Variants in ADD1 observed in about 807,000 individuals in gnomAD.
ADD1 encodes the protein alpha-adducin.
In ADD1, 24 loss-of-function variants were observed where a neutral mutation model predicts 80.5. The ratio of observed to expected loss-of-function variants is 0.30; its 90% CI spans 0.22 to 0.42. The LOEUF (loss-of-function observed/expected upper bound fraction) is 0.42. ADD1 is among the 10% of genes least tolerant of loss of function. The pLI is 1.00. For synonymous variants in ADD1, 373 were observed against 393.8 expected, an observed-to-expected ratio of 0.95 and a Z score of 0.63; for missense variants, 948 against 1,019.0, an observed-to-expected ratio of 0.93 and a Z score of 0.95.
intron 4 of ADD1, among the ~76,000 whole-genome samples, chr4:2,892,756 G>A (rs1171858175): frequency 1.3e-5 from 2 of 151,736 alleles, no homozygotes; most frequent in African/African-American, 4.8e-5. Flanking sequence ...GATCACTTGA[G>A]TCAGGAGGTT....
rs560354931 is a variant in ADD1, at chr4:2,856,893, C to T, written c.-21+12869C>T. ...GGTGTGAGCCACCACACCCAGCCAA[C>T]GTTCTTATTCTGTTATTTTTTATTT... On this transcript the variant is annotated intron_variant, in intron 1 of 15. Coordinates refer to ENST00000683351, the MANE Select transcript of ADD1 (RefSeq NM_001354761.2). Among the ~76,000 whole-genome samples, 152 of 150,034 alleles carry T rather than the reference C, an allele frequency of 1.0e-3. 2 individuals carry two copies. Among genetic ancestry groups the T allele is most frequent in the East Asian group, 7.9e-4 (4 of 5,062 alleles).
Position 2,926,286 on chromosome 4 carries a change from C to A in ADD1, c.2047+174C>A. 1.4e-6 allele frequency: 1 copy of A among 738,910 alleles called. No individual in the cohort carries two copies. The highest frequency in any genetic ancestry group is 2.7e-5 in the East Asian group (1 of 37,220). The allele number at this position is 738,910 out of a possible 1,614,324, so 45.8% of individuals were successfully genotyped here. On this transcript the variant is annotated intron_variant, in intron 15 of 15. Coordinates refer to ENST00000683351, the MANE Select transcript of ADD1 (RefSeq NM_001354761.2). The surrounding 1 kb of genome is among the most constrained non-coding windows in gnomAD (Gnocchi z 5.0). ...TGCTTCTGTCCTGGGTAACTCCAGGCAAAACAGATTTGTATGTGAGCTGTG... is the reference window on the plus strand; with the variant it reads ...TGCTTCTGTCCTGGGTAACTCCAGGAAAAACAGATTTGTATGTGAGCTGTG...
intron 1 of ADD1, among the ~76,000 whole-genome samples, chr4:2,848,744 T>G (rs1368347207): frequency 6.6e-6 from 1 of 152,164 alleles, no homozygotes; most frequent in African/African-American, 2.4e-5. Context: ...CTGAATATGC[T>G]AGGATAACAG....
intron 8 of ADD1, 25 bp downstream of exon 8, chr4:2,898,556 T>C: frequency 6.3e-7 from 1 of 1,592,812 alleles, no homozygotes; most frequent in South Asian, 1.1e-5. Context: ...TTCCAGTCAC[T>C]CTGCAGTTTA....
Position 2,862,281 on chromosome 4 carries a change from A to G in ADD1, c.-20-13615A>G, listed in dbSNP as rs1162346994. Among the ~76,000 whole-genome samples, 4 of 152,192 alleles carry G rather than the reference A, an allele frequency of 2.6e-5. No individual in the cohort carries two copies. The East Asian group carries it at 7.7e-4, about 29-fold the overall frequency. ...GTGAATGCGCTCAGAAGGAATTGAAACTAGCTTCACTGAATGGGTCTCAGA... is the reference window on the plus strand; with the variant it reads ...GTGAATGCGCTCAGAAGGAATTGAAGCTAGCTTCACTGAATGGGTCTCAGA... On this transcript the variant is annotated intron_variant, in intron 1 of 15. Coordinates refer to ENST00000683351, the MANE Select transcript of ADD1 (RefSeq NM_001354761.2).
intron 14 of ADD1, among the ~76,000 whole-genome samples, chr4:2,918,741 T>G (rs948577640): frequency 5.9e-5 from 9 of 152,184 alleles, no homozygotes; most frequent in Non-Finnish European, 1.2e-4. Flanking sequence ...TGAATTTTAT[T>G]GAAGGCTTTT....
intron 1 of ADD1, among the ~76,000 whole-genome samples, chr4:2,874,257 G>A (rs1422365662): frequency 1.3e-5 from 2 of 152,086 alleles, no homozygotes; most frequent in Non-Finnish European, 2.9e-5. Flanking sequence ...TCATTAGTTC[G>A]TTTATTCTAT....
chr4:2,865,912 C>A (rs1337864360), intron 1 of ADD1, among the ~76,000 whole-genome samples: 1 of 152,266 alleles, frequency 6.6e-6, no homozygotes, highest in East Asian at 1.9e-4. Context: ...GAAGATAAGT[C>A]AAATTCTGCT....
At chr4:2,879,435 A>G (rs1025078488) in intron 2 of ADD1, among the ~76,000 whole-genome samples, 27 of 152,286 alleles carry the variant, frequency 1.8e-4, no homozygotes, top group Middle Eastern at 3.4e-3. Flanking sequence ...AGCGCCTGGT[A>G]CTTAGTAGTG....
At chr4:2,899,780 C>G (rs1735872899) in intron 9 of ADD1, 1 of 369,124 alleles carries the variant, frequency 2.7e-6, no homozygotes, top group South Asian at 2.2e-5. Context: ...TGAAATCGGT[C>G]AGTCAGGTAT....
At chr4:2,921,699 A>G (rs1405882620) in intron 14 of ADD1, among the ~76,000 whole-genome samples, 2 of 151,948 alleles carry the variant, frequency 1.3e-5, no homozygotes, top group Non-Finnish European at 2.9e-5. Flanking sequence ...TAGGTTGGGG[A>G]AGTTCTCCTG....
chr4:2,911,330 A>T (rs1016489124), intron 13 of ADD1, among the ~76,000 whole-genome samples: 1 of 152,050 alleles, frequency 6.6e-6, no homozygotes, highest in Non-Finnish European at 1.5e-5. Context: ...TTGCCTTCTG[A>T]TAGAAGAAGG....
Position 2,926,081 on chromosome 4 carries a change from G to C in ADD1, c.2016G>C (p.Pro672=). ...SPPDQPAVPH[P]PPSTPIKLEE... Reference sequence around the variant, plus strand: ...CAGACCAGCCTGCGGTCCCCCACCCGCCTCCCAGCACTCCCATCAAGCTGG... The same window carrying C: ...CAGACCAGCCTGCGGTCCCCCACCCCCCTCCCAGCACTCCCATCAAGCTGG... The change falls in exon 15 of 16, where the codon CCG becomes CCC. Residue 672 remains proline (P), a synonymous_variant. Transcript: ENST00000683351. The surrounding 1 kb of genome is among the most constrained non-coding windows in gnomAD (Gnocchi z 5.0). 1 of 1,614,088 alleles carries C rather than the reference G, an allele frequency of 6.2e-7. No individual in the cohort carries two copies.
chr4:2,856,592 T>G (rs1046155252), intron 1 of ADD1, among the ~76,000 whole-genome samples: 3 of 148,454 alleles, frequency 2.0e-5, no homozygotes, highest in South Asian at 2.1e-4. Context: ...GAGTTTTTTT[T>G]TTTTTTTTTT....
intron 4 of ADD1, among the ~76,000 whole-genome samples, chr4:2,891,632 T>G (rs1350223240): frequency 6.6e-6 from 1 of 152,094 alleles, no homozygotes; most frequent in Non-Finnish European, 1.5e-5. Context: ...ATGGTAATAA[T>G]GGGTAGATGC....
chr4:2,928,173 C>T lies in ADD1; in HGVS notation c.2050C>T (p.Leu684Phe), dbSNP rs772281377. 2 of 1,613,878 alleles carry T rather than the reference C, an allele frequency of 1.2e-6. No homozygotes were observed. The highest frequency in any genetic ancestry group is 2.7e-5 in the African/African-American group (2 of 74,906). Residue 684 changes from leucine to phenylalanine, a missense_variant and splice_region_variant, in exon 16 of 16, where the codon CTT becomes TTT. Leu to Phe is a conservative substitution (Grantham distance 22). Coordinates refer to ENST00000683351, the MANE Select transcript of ADD1 (RefSeq NM_001354761.2). ...CCATCTCTCACCTCACCCACTAGACCTTGTGCCGGAGCCGACTACTGGAGA... is the reference window on the plus strand; with the variant it reads ...CCATCTCTCACCTCACCCACTAGACTTTGTGCCGGAGCCGACTACTGGAGA... ...PSTPIKLEEDLVPEPTTGDDS... is the reference protein window; with the variant it reads ...PSTPIKLEEDFVPEPTTGDDS...
At chr4:2,889,867 G>T (rs548389725) in intron 4 of ADD1, among the ~76,000 whole-genome samples, 1 of 151,668 alleles carries the variant, frequency 6.6e-6, no homozygotes, top group Non-Finnish European at 1.5e-5. Flanking sequence ...AATAAAAGCC[G>T]CAACCTGGAA....
chr4:2,907,025 G>C, intron 10 of ADD1, among the ~76,000 whole-genome samples: 1 of 152,174 alleles, frequency 6.6e-6, no homozygotes, highest in East Asian at 1.9e-4. Context: ...ATGGGTGGAA[G>C]GCTCAGCATG....
intron 1 of ADD1, among the ~76,000 whole-genome samples, chr4:2,861,759 G>A (rs977647782): frequency 1.3e-5 from 2 of 152,182 alleles, no homozygotes; most frequent in Admixed American, 1.3e-4. Flanking sequence ...TGGCTCTAAT[G>A]TATGACGAGG....
Sources: allele counts gnomAD v4.1 joint callset (sites outside exome capture counted in the v4.1 genomes callset), GRCh38; gene constraint gnomAD v4.1.1; non-coding constraint Gnocchi (gnomAD v3.1); transcripts MANE v1.5; gene names NCBI Gene and HGNC (gene_info 2026-07-23, HGNC 2026-07-21).